The following MYO9A variants were observed in gnomAD, a reference collection of about 807,000 sequenced individuals.
The protein encoded by MYO9A is myosin IXA, also known as unconventional myosin-IXa.
A neutral mutation model predicts 293.3 loss-of-function variants in MYO9A; 103 were observed. The ratio of observed to expected loss-of-function variants is 0.35; its 90% CI spans 0.30 to 0.41. The LOEUF is 0.41. Among genes scored for constraint, MYO9A ranks in the 10% least tolerant of loss-of-function variants. The pLI is 1.00. For missense variants in MYO9A, 2,685 were observed against 3,033.0 expected (o/e 0.89, Z 2.69); for synonymous variants, 1,001 against 1,035.7 (o/e 0.97, Z 0.64).
At chr15:72,055,549 T>C (rs12441217) in intron 1 of MYO9A, among the ~76,000 whole-genome samples, 1,868 of 151,772 alleles carry the variant, frequency 0.012, 56 homozygotes, top group Admixed American at 0.057. Context: ...TGTAAGAAAA[T>C]CTTCACAATG....
At position 71,963,544 on chromosome 15, in the gene MYO9A, G is replaced by A. The variant is rs529717050; in HGVS notation, c.1987-3448C>T. 2.3e-4 allele frequency among the ~76,000 whole-genome samples: 35 copies of A among 152,178 alleles called. 1 individual carries two copies. In the South Asian group the frequency reaches 7.3e-3, roughly 32 times the overall value. On this transcript the variant is annotated intron_variant, in intron 13 of 41. Transcript: ENST00000356056. The stretch of plus-strand genomic sequence containing the variant: ...GCTCACCGCAACCTCCACCTCCTGG[G>A]TTCAAGCAATTGTCCTGCCTCAGCC...
At chr15:72,074,771 G>A (rs568100204) in intron 1 of MYO9A, among the ~76,000 whole-genome samples, 2 of 152,086 alleles carry the variant, frequency 1.3e-5, no homozygotes, top group African/African-American at 4.8e-5. Context: ...ATCTATTGTA[G>A]AGTGAAGACT....
chr15:72,092,317 G>T (rs1395956350), intron 1 of MYO9A, among the ~76,000 whole-genome samples: 1 of 152,224 alleles, frequency 6.6e-6, no homozygotes, highest in Non-Finnish European at 1.5e-5. Flanking sequence ...AAAGAAAGCT[G>T]CTTTGGCACT....
chr15:72,009,847 T>A (rs546649705), intron 7 of MYO9A, among the ~76,000 whole-genome samples: 222 of 152,302 alleles, frequency 1.5e-3, no homozygotes, highest in African/African-American at 4.7e-3. Flanking sequence ...TTGTTTCAAA[T>A]ATAATTTATC....
intron 1 of MYO9A, among the ~76,000 whole-genome samples, chr15:72,070,422 T>C (rs916316070): frequency 6.7e-6 from 1 of 149,774 alleles, no homozygotes; most frequent in Admixed American, 6.7e-5. Flanking sequence ...CACTGTACTC[T>C]GGCCTGGGCA....
At position 72,046,553 on chromosome 15, in the gene MYO9A, T is replaced by A; in HGVS notation, c.11A>T (p.Asn4Ile). 6.3e-7 allele frequency: 1 copy of A among 1,595,502 alleles called. No homozygotes were observed. Among genetic ancestry groups the A allele is most frequent in the Non-Finnish European group, 8.5e-7 (1 of 1,170,204 alleles). ...TTCAAAGCGTCGTCTTCCTCCATCA[T>A]TTATATTCATATTGGATCCTGTCCC... MNI[N>I]DGGRRRFEDN... Residue 4 changes from asparagine to isoleucine, a missense_variant, in exon 2 of 42, where the codon AAT (asparagine) becomes ATT (isoleucine). Around this residue, in one of 10 missense-constraint regions of MYO9A, gnomAD observed 67 missense variants for 63.2 expected, o/e 1.06. Transcript: ENST00000356056.
chr15:71,924,524 G>A (rs117038184), intron 18 of MYO9A, among the ~76,000 whole-genome samples: 5 of 152,204 alleles, frequency 3.3e-5, no homozygotes, highest in Non-Finnish European at 7.4e-5. Flanking sequence ...TTACAGGTGT[G>A]AGCCAAGGCC....
Position 71,852,172 on chromosome 15 carries a change from G to T in MYO9A, c.6435C>A (p.Leu2145=), listed in dbSNP as rs2055676877. The T allele has an allele frequency of 6.2e-7, 1 of 1,613,784 alleles. No individual in the cohort carries two copies. The highest frequency in any genetic ancestry group is 1.3e-5 in the African/African-American group (1 of 74,910). ...KQWLRDLPNP[L]MTFELYEEFL... The stretch of plus-strand genomic sequence containing the variant: ...ATTCCTCATAGAGTTCAAAGGTCAT[G>T]AGAGGATTGGGCAAATCTCGAAGCC... Residue 2145 remains leucine, a synonymous_variant, in exon 36 of 42, where the codon CTC becomes CTA. Transcript: ENST00000356056.
rs760675165 is a variant in MYO9A at position 71,827,031 on chromosome 15, G to A, written c.7196C>T (p.Ala2399Val). The change falls in exon 42 of 42, where the codon GCC (alanine) becomes GTC (valine). Residue 2399 changes from alanine to valine, a missense_variant. Coordinates refer to ENST00000356056, the MANE Select transcript of MYO9A (RefSeq NM_006901.4). ...GCCAGCTGTCTTCAGGGAGCTAAGG[G>A]CTAAGCTTCTTTCTAATGCAAAAAA... ...AISEKSERSL[A>V]LSSLKTAGKS... 132 of 1,573,016 alleles carry A rather than the reference G, an allele frequency of 8.4e-5. No homozygotes were observed. Among genetic ancestry groups the A allele is most frequent in the Non-Finnish European group, 1.1e-4 (127 of 1,165,166 alleles).
intron 31 of MYO9A, among the ~76,000 whole-genome samples, chr15:71,877,452 C>T (rs550352349): frequency 6.6e-6 from 1 of 152,122 alleles, no homozygotes; most frequent in Non-Finnish European, 1.5e-5. Flanking sequence ...AAAGGAAATT[C>T]AGATACTTAT....
chr15:71,929,828 G>A (rs1200602731), intron 18 of MYO9A, among the ~76,000 whole-genome samples: 1 of 152,154 alleles, frequency 6.6e-6, no homozygotes, highest in Non-Finnish European at 1.5e-5. Context: ...TGGCACTGCT[G>A]GGTTGAATGG....
At chr15:71,939,881 TA>T (rs980295338) in intron 15 of MYO9A, among the ~76,000 whole-genome samples, 1 of 152,062 alleles carries the variant, frequency 6.6e-6, no homozygotes, top group Non-Finnish European at 1.5e-5. Flanking sequence ...TGGAATAATT[TA>T]AAAAAACTGA....
chr15:72,017,241 C>T (rs1181887487), intron 6 of MYO9A, among the ~76,000 whole-genome samples: 17 of 151,916 alleles, frequency 1.1e-4, no homozygotes, highest in African/African-American at 3.9e-4. Context: ...CTCAAACTCC[C>T]AGTCTCAAGC....
intron 15 of MYO9A, among the ~76,000 whole-genome samples, chr15:71,947,757 C>G (rs892233648): frequency 2.6e-5 from 4 of 152,160 alleles, no homozygotes; most frequent in Non-Finnish European, 5.9e-5. Context: ...CCTTCCCTGG[C>G]AATTGCTGAT....
intron 1 of MYO9A, among the ~76,000 whole-genome samples, chr15:72,050,104 G>C (rs1274542723): frequency 1.3e-5 from 2 of 151,560 alleles, no homozygotes; most frequent in East Asian, 3.9e-4. Context: ...AGTTTTGTCA[G>C]TTTGGTTTTA....
rs200674625 is a variant in MYO9A, at chr15:71,915,157, AT to A, written c.2685+1212del. On this transcript the variant is annotated intron_variant, in intron 19 of 41. Transcript: ENST00000356056. ...TAATAAACTTATATTACTCAACATGATTTTTTTTTCTATAACCCATTAATCT... is the reference window on the plus strand; with the variant it reads ...TAATAAACTTATATTACTCAACATGATTTTTTTTCTATAACCCATTAATCT... Among the ~76,000 whole-genome samples, 111 of 151,586 alleles carry A rather than the reference AT, an allele frequency of 7.3e-4. 1 individual carries two copies. The highest frequency in any genetic ancestry group is 2.3e-3 in the African/African-American group (96 of 41,342).
intron 15 of MYO9A, among the ~76,000 whole-genome samples, chr15:71,948,874 T>C (rs1352346507): frequency 1.3e-5 from 2 of 151,756 alleles, no homozygotes; most frequent in Admixed American, 1.3e-4. Context: ...TTCTGAAGAT[T>C]GTTAATTTTT....
chr15:71,967,177 AT>A (rs2075899189), intron 13 of MYO9A, among the ~76,000 whole-genome samples: 3 of 152,234 alleles, frequency 2.0e-5, no homozygotes, highest in Admixed American at 2.0e-4. Flanking sequence ...TAACTTATTT[AT>A]AACACATAGC....
chr15:71,969,823 T>A (rs553174063), intron 12 of MYO9A, among the ~76,000 whole-genome samples: 5 of 151,848 alleles, frequency 3.3e-5, no homozygotes, highest in Non-Finnish European at 4.4e-5. Context: ...AAAAAAAAAA[T>A]TTGGAACACA....
Sources: gnomAD v4.1 joint callset for allele counts (sites outside exome capture counted in the v4.1 genomes callset) on GRCh38, gnomAD v4.1.1 for gene constraint, gnomAD v4.1.1 regional missense constraint, MANE v1.5 for transcripts, NCBI Gene and HGNC (gene_info 2026-07-23, HGNC 2026-07-21) for gene names.